NKAIN3: variants seen among roughly 807,000 people sequenced by gnomAD.
The protein encoded by NKAIN3 is sodium/potassium transporting ATPase interacting 3, also known as sodium/potassium-transporting ATPase subunit beta-1-interacting protein 3.
NKAIN3 carries 25 observed loss-of-function variants against 30.2 expected under a neutral mutation model. The observed-to-expected ratio is 0.83, with a 90% CI of 0.60 to 1.16. The LOEUF is 1.16. NKAIN3 is among the 50% of genes most tolerant of loss of function. NKAIN3 has a pLI of 0.00. For synonymous variants in NKAIN3, 91 were observed against 89.6 expected, an observed-to-expected ratio of 1.02 and a Z score of -0.09; for missense variants, 225 against 254.1, an observed-to-expected ratio of 0.89 and a Z score of 0.78.
chr8:62,886,138 C>A (rs951939106), intron 4 of NKAIN3, among the ~76,000 whole-genome samples: 1 of 151,880 alleles, frequency 6.6e-6, no homozygotes, highest in Non-Finnish European at 1.5e-5. Flanking sequence ...CCTTTCTTAT[C>A]AGATCAATTA....
intron 4 of NKAIN3, among the ~76,000 whole-genome samples, chr8:62,852,038 T>C (rs1819920040): frequency 6.6e-6 from 1 of 152,190 alleles, no homozygotes; most frequent in Non-Finnish European, 1.5e-5. Context: ...AGGTACCAGC[T>C]CCTCCTTCTA....
intron 1 of NKAIN3, among the ~76,000 whole-genome samples, chr8:62,576,169 G>A (rs1810102361): frequency 6.6e-6 from 1 of 151,946 alleles, no homozygotes; most frequent in South Asian, 2.1e-4. Context: ...TCAACAAAGT[G>A]GAGGGACAAC....
At chr8:62,490,579 G>A (rs559375808) in intron 1 of NKAIN3, among the ~76,000 whole-genome samples, 1 of 152,284 alleles carries the variant, frequency 6.6e-6, no homozygotes, top group East Asian at 1.9e-4. Context: ...AGAGAGGAAA[G>A]CTATGGGAAA....
At chr8:62,276,408 A>G (rs964715943) in intron 1 of NKAIN3, among the ~76,000 whole-genome samples, 3 of 152,204 alleles carry the variant, frequency 2.0e-5, no homozygotes, top group African/African-American at 7.2e-5. Flanking sequence ...GAAGTATTTC[A>G]GAGTAGTGAC....
intron 1 of NKAIN3, among the ~76,000 whole-genome samples, chr8:62,564,338 A>G (rs1000644990): frequency 9.2e-5 from 14 of 152,084 alleles, no homozygotes; most frequent in East Asian, 5.8e-4. Flanking sequence ...ACCCTCAGCC[A>G]GAGTCCCACC....
intron 1 of NKAIN3, among the ~76,000 whole-genome samples, chr8:62,451,575 A>G (rs564464894): frequency 1.3e-5 from 2 of 152,284 alleles, no homozygotes; most frequent in South Asian, 2.1e-4. Context: ...GGTAGCATCT[A>G]TGCTAAAAAC....
At chr8:62,250,820 T>G (rs1338840266) in intron 1 of NKAIN3, among the ~76,000 whole-genome samples, 2 of 152,208 alleles carry the variant, frequency 1.3e-5, no homozygotes, top group Non-Finnish European at 2.9e-5. Flanking sequence ...ATCTTAAAAT[T>G]CCATTTTTTA....
chr8:62,799,154 G>A (rs1395892890), intron 4 of NKAIN3, among the ~76,000 whole-genome samples: 2 of 152,048 alleles, frequency 1.3e-5, no homozygotes, highest in Non-Finnish European at 2.9e-5. Flanking sequence ...TATGAACATA[G>A]TGAGGAGGGA....
At chr8:62,822,523 G>A (rs377698037) in intron 4 of NKAIN3, among the ~76,000 whole-genome samples, 4 of 152,070 alleles carry the variant, frequency 2.6e-5, no homozygotes, top group African/African-American at 9.7e-5. Context: ...TAATCTAGGA[G>A]GATCTAAGTA....
At chr8:62,637,233 C>T (rs1779666667) in intron 3 of NKAIN3, among the ~76,000 whole-genome samples, 1 of 152,182 alleles carries the variant, frequency 6.6e-6, no homozygotes, top group African/African-American at 2.4e-5. Flanking sequence ...TGAAGAACAT[C>T]CCTGAGGCTG....
chr8:62,907,280 T>C (rs967590583), intron 4 of NKAIN3, among the ~76,000 whole-genome samples: 5 of 152,176 alleles, frequency 3.3e-5, no homozygotes, highest in Non-Finnish European at 7.3e-5. Context: ...AGTATTAATA[T>C]ATTAATGTAT....
intron 5 of NKAIN3, among the ~76,000 whole-genome samples, chr8:62,940,423 C>T (rs1822920329): frequency 6.6e-6 from 1 of 152,056 alleles, no homozygotes; most frequent in South Asian, 2.1e-4. Flanking sequence ...ATGAACTTAA[C>T]AGATATTTAC....
rs1221949606 is a variant in NKAIN3 at position 62,969,483 on chromosome 8, GA to G, written c.*4078del. Among the ~76,000 whole-genome samples, 3 of 152,204 alleles carry G rather than the reference GA, an allele frequency of 2.0e-5. No individual in the cohort carries two copies. The highest frequency in any genetic ancestry group is 7.2e-5 in the African/African-American group (3 of 41,538). ...TTCATTTCATACCTAATTTTAAAACGAATTGTGTCCCCAAATATGGTCTATT... is the reference window on the plus strand; with the variant it reads ...TTCATTTCATACCTAATTTTAAAACGATTGTGTCCCCAAATATGGTCTATT... On this transcript the variant is annotated 3_prime_UTR_variant, in exon 7 of 7. Transcript: ENST00000623646.
chr8:62,625,103 T>A (rs1400978232), intron 3 of NKAIN3, among the ~76,000 whole-genome samples: 1 of 152,128 alleles, frequency 6.6e-6, no homozygotes, highest in Non-Finnish European at 1.5e-5. Flanking sequence ...CTGGCTATGA[T>A]GCTTATTCAA....
intron 1 of NKAIN3, among the ~76,000 whole-genome samples, chr8:62,506,228 TG>T (rs10633674): frequency 0.018 from 2,265 of 129,206 alleles, 75 homozygotes; most frequent in African/African-American, 0.054. Flanking sequence ...ATGAGAATAT[TG>T]GGGGGGGGGA....
At chr8:62,411,407 G>T (rs1769082700) in intron 1 of NKAIN3, among the ~76,000 whole-genome samples, 1 of 152,048 alleles carries the variant, frequency 6.6e-6, no homozygotes, top group Non-Finnish European at 1.5e-5. Flanking sequence ...CCTCAAAATG[G>T]TAAGAGCCAC....
intron 4 of NKAIN3, among the ~76,000 whole-genome samples, chr8:62,805,883 A>C (rs1220665302): frequency 1.3e-5 from 2 of 152,228 alleles, no homozygotes; most frequent in African/African-American, 4.8e-5. Context: ...AAATGGGAGA[A>C]AATTTTTGCA....
chr8:62,730,282 A>G (rs1453147111), intron 3 of NKAIN3, among the ~76,000 whole-genome samples: 1 of 152,106 alleles, frequency 6.6e-6, no homozygotes, highest in East Asian at 1.9e-4. Context: ...GCTCCACTAG[A>G]GCATAAATTC....
At chr8:62,525,692 C>T (rs961559937) in intron 1 of NKAIN3, among the ~76,000 whole-genome samples, 10 of 152,240 alleles carry the variant, frequency 6.6e-5, no homozygotes, top group Admixed American at 4.6e-4. Context: ...GCATACTCAG[C>T]TTATAAGACC....
Sources: gnomAD v4.1 joint callset for allele counts (sites outside exome capture counted in the v4.1 genomes callset) on GRCh38, gnomAD v4.1.1 for gene constraint, MANE v1.5 for transcripts, NCBI Gene and HGNC (gene_info 2026-07-23, HGNC 2026-07-21) for gene names.